MTMR10: variants seen among roughly 807,000 people sequenced by gnomAD.
MTMR10 encodes the protein myotubularin-related protein 10.
A neutral mutation model predicts 88.1 loss-of-function variants in MTMR10; 56 were observed. That is an observed-to-expected ratio of 0.64 (90% confidence interval 0.51 to 0.79). The LOEUF (loss-of-function observed/expected upper bound fraction) is 0.79. Ranked by LOEUF, MTMR10 falls within the 30% of genes least tolerant of loss-of-function variation. The pLI is 0.00. For synonymous variants in MTMR10, 380 were observed against 340.9 expected (o/e 1.11, Z -1.26); for missense variants, 883 against 924.7 (o/e 0.95, Z 0.58).
intron 5 of MTMR10, among the ~76,000 whole-genome samples, chr15:30,972,915 G>C (rs1356134067): frequency 6.6e-6 from 1 of 152,102 alleles, no homozygotes; most frequent in African/African-American, 2.4e-5. Context: ...CCGGTCAATT[G>C]CATCAATTTC....
In MTMR10 at chr15:30,967,971, G is replaced by T. The variant is rs776308865; in HGVS notation, c.514C>A (p.Leu172Ile). 18 of 1,574,584 alleles carry T rather than the reference G, an allele frequency of 1.1e-5. No individual in the cohort carries two copies. The highest frequency in any genetic ancestry group is 8.6e-7 in the Non-Finnish European group (1 of 1,158,824). The change falls in exon 6 of 16, where the codon CTC (leucine) becomes ATC (isoleucine). Residue 172 changes from leucine to isoleucine, a missense_variant. Coordinates refer to ENST00000435680, the MANE Select transcript of MTMR10 (RefSeq NM_017762.3). The stretch of plus-strand genomic sequence containing the variant: ...TATTCAAATGCAAAGAGTAGCTGGA[G>T]GTCTGTTGGCTGGGAATAATGAGCT... ...AIAHYSQPTD[L>I]QLLFAFEYVG... is the part of the protein sequence containing the mutation.
At chr15:30,921,439 T>C in the MTMR10 span, among the ~76,000 whole-genome samples, 1 of 152,214 alleles carries the variant, frequency 6.6e-6, no homozygotes, top group Non-Finnish European at 1.5e-5. Context: ...TTTGTGAAAT[T>C]GCTAGATTTC....
At chr15:30,923,372 A>G in the MTMR10 span, among the ~76,000 whole-genome samples, 3 of 152,150 alleles carry the variant, frequency 2.0e-5, no homozygotes, top group Admixed American at 2.0e-4. Flanking sequence ...CTTTCTTTCA[A>G]TGAAATAAAA....
chr15:30,940,453 A>G lies in MTMR10; in HGVS notation c.*1017T>C. 1 of 985,282 alleles carries G rather than the reference A, an allele frequency of 1.0e-6. No individual in the cohort carries two copies. Among genetic ancestry groups the G allele is most frequent in the Non-Finnish European group, 1.2e-6 (1 of 829,792 alleles). 61.0% of individuals were successfully genotyped at this position (985,282 alleles called of 1,614,324 possible). A position where few individuals can be genotyped will look rare whatever the true frequency, so the allele number is the denominator to read the frequency against. On this transcript the variant is annotated 3_prime_UTR_variant, in exon 16 of 16. Coordinates refer to ENST00000435680, the MANE Select transcript of MTMR10 (RefSeq NM_017762.3). The stretch of plus-strand genomic sequence containing the variant: ...TCCTAAGCATTAGGAACTATGAGAG[A>G]AGGACATCTGTGCAGGTGCCCAACT...
At chr15:30,922,462 T>C in the MTMR10 span, 1 of 1,146,974 alleles carries the variant, frequency 8.7e-7, no homozygotes. Flanking sequence ...AACATGTATT[T>C]CTTTTGTTAA....
rs910174410 is a variant in MTMR10 at position 30,939,483 on chromosome 15, T to C, written c.*1987A>G. ...GCTGTCATAGTTGTTTTTCATATTA[T>C]GCACAATAAACTGTAGCACAATAAT... On this transcript the variant is annotated 3_prime_UTR_variant, in exon 16 of 16. Coordinates refer to ENST00000435680, the MANE Select transcript of MTMR10 (RefSeq NM_017762.3). 39 of 985,154 alleles carry C rather than the reference T, an allele frequency of 4.0e-5. No individual in the cohort carries two copies. In the African/African-American group the frequency reaches 6.8e-4, roughly 17 times the overall value. The allele number at this position is 985,154 out of a possible 1,614,324, so 61.0% of individuals were successfully genotyped here.
chr15:30,942,829 C>G (rs2063098459), intron 15 of MTMR10, 61 bp downstream of exon 15: 13 of 1,457,964 alleles, frequency 8.9e-6, no homozygotes, highest in Non-Finnish European at 1.2e-5. Flanking sequence ...GCTCTCTGTT[C>G]TGAAAAAGAG....
At chr15:30,978,153 T>C (rs1362512215) in intron 2 of MTMR10, among the ~76,000 whole-genome samples, 1 of 152,218 alleles carries the variant, frequency 6.6e-6, no homozygotes, top group South Asian at 2.1e-4. Context: ...GTCTAGGGAA[T>C]GCCTCTTTAA....
chr15:30,940,535 A>C lies in MTMR10; in HGVS notation c.*935T>G. 1.0e-6 allele frequency: 1 copy of C among 985,534 alleles called. No homozygotes were observed. The highest frequency in any genetic ancestry group is 1.2e-6 in the Non-Finnish European group (1 of 830,038). 61.0% of individuals were successfully genotyped at this position (985,534 alleles called of 1,614,324 possible). On this transcript the variant is annotated 3_prime_UTR_variant, in exon 16 of 16. Transcript: ENST00000435680. ...TGCCAGCAATAGTTTACCACACTGG[A>C]AATACTGATGGCCAAGCCCAGCACG...
chr15:30,939,447 C>A lies in MTMR10; in HGVS notation c.*2023G>T. ...GGTGGTATAAGCAGCTTCACCCTGG[C>A]CCGACTGAAGGCTGTCATAGTTGTT... On this transcript the variant is annotated 3_prime_UTR_variant, in exon 16 of 16. Transcript: ENST00000435680. The A allele has an allele frequency of 1.0e-6, 1 of 985,412 alleles. No homozygotes were observed. The highest frequency in any genetic ancestry group is 1.2e-6 in the Non-Finnish European group (1 of 829,928). The allele number at this position is 985,412 out of a possible 1,614,324, so 61.0% of individuals were successfully genotyped here. A position where few individuals can be genotyped will look rare whatever the true frequency, so the allele number is the denominator to read the frequency against.
At chr15:30,944,483 C>G (rs1177886274) in intron 14 of MTMR10, among the ~76,000 whole-genome samples, 2 of 151,044 alleles carry the variant, frequency 1.3e-5, no homozygotes, top group African/African-American at 4.9e-5. Flanking sequence ...GGAGAATCAC[C>G]TGAACCTGGA....
chr15:30,946,206 TA>T (rs1392320366), intron 14 of MTMR10: 2 of 152,496 alleles, frequency 1.3e-5, no homozygotes, highest in Non-Finnish European at 2.9e-5. Flanking sequence ...ATCAGCTCCT[TA>T]ACTGACCAGT....
chr15:30,991,147 G>C (rs1038216010), intron 1 of MTMR10: 2 of 484,918 alleles, frequency 4.1e-6, no homozygotes, highest in Non-Finnish European at 7.1e-6. Context: ...AGGGTCGATG[G>C]GTTGGAAACT....
intron 6 of MTMR10, chr15:30,966,077 CT>C: frequency 2.2e-6 from 1 of 453,242 alleles, no homozygotes; most frequent in Non-Finnish European, 4.4e-6. Context: ...GGATGTTACC[CT>C]ACGAGGAATC....
the MTMR10 span, among the ~76,000 whole-genome samples, chr15:30,919,378 C>CAAA: frequency 1.9e-4 from 14 of 75,116 alleles, no homozygotes; most frequent in African/African-American, 6.2e-4. Context: ...AACTCCGTCT[C>CAAA]AAAAAAAAAA....
chr15:30,944,153 G>A (rs1048492314), intron 14 of MTMR10: 3 of 337,604 alleles, frequency 8.9e-6, no homozygotes, highest in Non-Finnish European at 1.3e-5. Context: ...GCACAGTGGC[G>A]GCTTGAATCA....
intron 7 of MTMR10, among the ~76,000 whole-genome samples, chr15:30,960,102 TAGA>T (rs1390331082): frequency 1.3e-5 from 2 of 152,142 alleles, no homozygotes; most frequent in Non-Finnish European, 2.9e-5. Context: ...ATGATAGAAT[TAGA>T]AGGTGAACAA....
chr15:30,936,664 T>C (rs572597328), downstream of MTMR10, among the ~76,000 whole-genome samples: 371 of 152,314 alleles, frequency 2.4e-3, 1 homozygote, highest in African/African-American at 8.6e-3. Context: ...TATTGTTAAG[T>C]TGAAAATGCA....
At chr15:30,948,225 C>T in intron 13 of MTMR10, 77 bp downstream of exon 13, 1 of 1,334,756 alleles carries the variant, frequency 7.5e-7, no homozygotes, top group Non-Finnish European at 1.0e-6. Flanking sequence ...TTTTAAAAGC[C>T]CCTTCATCTT....
Sources: allele counts gnomAD v4.1 joint callset (sites outside exome capture counted in the v4.1 genomes callset), GRCh38; gene constraint gnomAD v4.1.1; transcripts MANE v1.5; gene names NCBI Gene and HGNC (gene_info 2026-07-23, HGNC 2026-07-21).